PDE6A: variants seen among roughly 807,000 people sequenced by gnomAD.
The protein encoded by PDE6A is rod cGMP-specific 3',5'-cyclic phosphodiesterase subunit alpha.
Under a neutral mutation model 106.3 loss-of-function variants are expected in PDE6A, and 84 were observed. The ratio of observed to expected loss-of-function variants is 0.79; its 90% CI spans 0.66 to 0.95. PDE6A has a LOEUF of 0.95. PDE6A is among the 40% of genes least tolerant of loss of function. The pLI is 0.00. For missense variants in PDE6A, 1,052 were observed against 1,084.9 expected (o/e 0.97, Z 0.43); for synonymous variants, 394 against 386.6 (o/e 1.02, Z -0.23).
At chr5:149,861,550 T>A (rs1270978012) in intron 21 of PDE6A, among the ~76,000 whole-genome samples, 1 of 152,118 alleles carries the variant, frequency 6.6e-6, no homozygotes, top group Non-Finnish European at 1.5e-5. Flanking sequence ...CTAGGGAAGC[T>A]GAGGTGGGAG....
intron 20 of PDE6A, 137 bp downstream of exon 20, chr5:149,866,033 A>G (rs1403215740): frequency 2.9e-6 from 2 of 700,132 alleles, no homozygotes; most frequent in Non-Finnish European, 5.3e-6. Flanking sequence ...TGAGAATCGA[A>G]TGCCATTAGA....
At position 149,858,249 on chromosome 5, in the gene PDE6A, A is replaced by G. The variant is rs1760005149; in HGVS notation, c.*2646T>C. The G allele has an allele frequency of 1.3e-5, 2 of 152,126 alleles. No individual in the cohort carries two copies. The highest frequency in any genetic ancestry group is 2.9e-5 in the Non-Finnish European group (2 of 68,022). 9.4% of individuals were successfully genotyped at this position (152,126 alleles called of 1,614,324 possible). ...TGTATACTTTTTATTTGCTAATTATACCTCCATAAAGCTGGTGGTGGGGGG... is the reference window on the plus strand; with the variant it reads ...TGTATACTTTTTATTTGCTAATTATGCCTCCATAAAGCTGGTGGTGGGGGG... On this transcript the variant is annotated 3_prime_UTR_variant, in exon 22 of 22. Coordinates refer to ENST00000255266, the MANE Select transcript of PDE6A (RefSeq NM_000440.3).
chr5:149,912,067 A>G (rs889955769), intron 6 of PDE6A, among the ~76,000 whole-genome samples: 1 of 151,984 alleles, frequency 6.6e-6, no homozygotes, highest in African/African-American at 2.4e-5. Context: ...TGATATGTAC[A>G]TTTTGTTTTC....
chr5:149,900,171 T>C (rs943903004), intron 8 of PDE6A, among the ~76,000 whole-genome samples: 7 of 151,658 alleles, frequency 4.6e-5, no homozygotes, highest in African/African-American at 1.7e-4. Context: ...CTGAAGAACA[T>C]GGTAAAACCC....
chr5:149,896,633 A>C, intron 11 of PDE6A, 78 bp downstream of exon 11: 2 of 1,613,800 alleles, frequency 1.2e-6, no homozygotes, highest in South Asian at 1.1e-5. Context: ...CATGCTTTGC[A>C]AGGAGAAACC....
At chr5:149,880,606 A>C (rs947204761) in intron 17 of PDE6A, among the ~76,000 whole-genome samples, 3 of 151,826 alleles carry the variant, frequency 2.0e-5, no homozygotes. Context: ...CCAGCTACTC[A>C]GGAGGCTGAG....
At chr5:149,933,577 A>G (rs768751840) in intron 3 of PDE6A, among the ~76,000 whole-genome samples, 1 of 152,224 alleles carries the variant, frequency 6.6e-6, no homozygotes, top group Non-Finnish European at 1.5e-5. Flanking sequence ...ATTGCCCTAT[A>G]TGCATTATCT....
At chr5:149,935,300 C>A (rs1754150534) in intron 1 of PDE6A, among the ~76,000 whole-genome samples, 1 of 151,694 alleles carries the variant, frequency 6.6e-6, no homozygotes, top group East Asian at 1.9e-4. Context: ...AACTCCAGAG[C>A]CTGCCTTCAG....
chr5:149,889,111 A>AAAAAAAAAAAAAAAAAAAAAAAAATT, intron 13 of PDE6A, among the ~76,000 whole-genome samples: 1 of 150,314 alleles, frequency 6.7e-6, no homozygotes, highest in African/African-American at 2.4e-5. Context: ...TCAGAAGAAA[A>AAAAAAAAAAAAAAAAAAAAAAAAATT]TTGTTTGAAG....
At chr5:149,867,563 G>A (rs1305311366) in intron 19 of PDE6A, 162 bp downstream of exon 19, 4 of 704,690 alleles carry the variant, frequency 5.7e-6, no homozygotes, top group Non-Finnish European at 1.0e-5. Context: ...CTCAAGTAAT[G>A]AGGTTGACAG....
chr5:149,896,620 G>A, intron 11 of PDE6A, 91 bp downstream of exon 11: 1 of 1,613,660 alleles, frequency 6.2e-7, no homozygotes, highest in Non-Finnish European at 8.5e-7. Flanking sequence ...GAGTGATGGG[G>A]AACATGCTTT....
At chr5:149,928,208 G>GATATATATATATATATATATAT (rs1228867964) in intron 4 of PDE6A, among the ~76,000 whole-genome samples, 39 of 57,724 alleles carry the variant, frequency 6.8e-4, no homozygotes, top group African/African-American at 2.4e-3. Context: ...AATTGTATGT[G>GATATATATATATATATATATAT]CTATATATAT....
intron 3 of PDE6A, among the ~76,000 whole-genome samples, chr5:149,931,375 G>A (rs1421608375): frequency 1.3e-5 from 2 of 149,082 alleles, no homozygotes; most frequent in Non-Finnish European, 3.0e-5. Context: ...TGCTTTGGTT[G>A]ACAGTTTATT....
At chr5:149,877,937 C>T (rs1183374431) in intron 17 of PDE6A, among the ~76,000 whole-genome samples, 3 of 152,160 alleles carry the variant, frequency 2.0e-5, no homozygotes, top group African/African-American at 7.2e-5. Flanking sequence ...TTTTGGTATA[C>T]TAGGGGGTCC....
intron 6 of PDE6A, among the ~76,000 whole-genome samples, chr5:149,909,517 A>G (rs1439630601): frequency 6.6e-6 from 1 of 152,130 alleles, no homozygotes; most frequent in Non-Finnish European, 1.5e-5. Context: ...ACATTCTCTT[A>G]TGGTTCCCTT....
At chr5:149,884,188 GAAAAAA>G (rs55911717) in intron 16 of PDE6A, among the ~76,000 whole-genome samples, 101 of 72,460 alleles carry the variant, frequency 1.4e-3, no homozygotes, top group Middle Eastern at 8.6e-3. Context: ...TCTCAAAAAA[GAAAAAA>G]AAAAAATATA....
At chr5:149,921,757 G>A in intron 4 of PDE6A, 48 bp from the exon 5 acceptor site, 1 of 1,488,742 alleles carries the variant, frequency 6.7e-7, no homozygotes, top group Non-Finnish European at 9.4e-7. Context: ...AGAGATCAAG[G>A]AAAGGAGATT....
In PDE6A at chr5:149,943,494, A is replaced by T. The variant is rs534287452; in HGVS notation, c.474+706T>A. Among the ~76,000 whole-genome samples, 16 of 152,152 alleles carry T rather than the reference A, an allele frequency of 1.1e-4. No homozygotes were observed. The South Asian group carries it at 3.1e-3, about 30-fold the overall frequency. On this transcript the variant is annotated intron_variant, in intron 1 of 21. Transcript: ENST00000255266. ...ACTACCACATCCAGCTAATTTTAAA[A>T]TTTTTTGTAGAGACAGGAGTCTCCC...
At chr5:149,923,788 T>C (rs1753800893) in intron 4 of PDE6A, among the ~76,000 whole-genome samples, 1 of 152,138 alleles carries the variant, frequency 6.6e-6, no homozygotes, top group South Asian at 2.1e-4. Flanking sequence ...GGGGCTTCCA[T>C]CCTCCAGTGC....
Sources: gnomAD v4.1 joint callset for allele counts (sites outside exome capture counted in the v4.1 genomes callset) on GRCh38, gnomAD v4.1.1 for gene constraint, MANE v1.5 for transcripts, NCBI Gene and HGNC (gene_info 2026-07-23, HGNC 2026-07-21) for gene names.